The following MCPH1 variants were observed in gnomAD, a reference collection of about 807,000 sequenced individuals.
The protein encoded by MCPH1 is microcephalin.
MCPH1 carries 104 observed loss-of-function variants against 84.5 expected under a neutral mutation model. That is an observed-to-expected ratio of 1.23 (90% CI 1.05 to 1.45). MCPH1 has a LOEUF of 1.45. Ranked by LOEUF, MCPH1 falls within the 40% of genes most tolerant of loss-of-function variation. The pLI is 0.00. For missense variants in MCPH1, 1,498 were observed against 1,005.7 expected (o/e 1.49, Z -6.62); for synonymous variants, 514 against 366.8 (o/e 1.40, Z -4.58).
chr8:6,628,087 C>T (rs1796877451), intron 13 of MCPH1, among the ~76,000 whole-genome samples: 1 of 152,094 alleles, frequency 6.6e-6, no homozygotes, highest in South Asian at 2.1e-4. Context: ...ATCTTTGAAA[C>T]TTCCTAACCT....
intron 12 of MCPH1, among the ~76,000 whole-genome samples, chr8:6,558,123 G>A (rs534903500): frequency 5.3e-5 from 8 of 152,150 alleles, no homozygotes; most frequent in Non-Finnish European, 1.0e-4. Context: ...TGTCATTTTT[G>A]GGCCAGGAAA....
rs745494202 is a variant in MCPH1 at position 6,527,602 on chromosome 8, C to G, written c.2214+27673C>G. The G allele has an allele frequency of 5.6e-6, 9 of 1,613,866 alleles. No individual in the cohort carries two copies. The East Asian group carries it at 1.6e-4, about 28-fold the overall frequency. ...TTATTTCACTGGTCTGGTCCAAAATCTGTTTTTCCAATTTGTTTGTCGAGA... is the reference window on the plus strand; with the variant it reads ...TTATTTCACTGGTCTGGTCCAAAATGTGTTTTTCCAATTTGTTTGTCGAGA... On this transcript the variant is annotated intron_variant, in intron 12 of 13. Coordinates refer to ENST00000344683, the MANE Select transcript of MCPH1 (RefSeq NM_024596.5).
chr8:6,595,475 A>G (rs1828847886), intron 12 of MCPH1, among the ~76,000 whole-genome samples: 1 of 152,224 alleles, frequency 6.6e-6, no homozygotes, highest in African/African-American at 2.4e-5. Flanking sequence ...GGAGCTGGCC[A>G]GCTGCATGCA....
intron 12 of MCPH1, among the ~76,000 whole-genome samples, chr8:6,619,881 G>T (rs900094368): frequency 2.6e-5 from 4 of 152,216 alleles, no homozygotes; most frequent in Admixed American, 1.3e-4. Flanking sequence ...ACCGTGCCCG[G>T]CCAGATACTT....
intron 12 of MCPH1, among the ~76,000 whole-genome samples, chr8:6,571,547 G>T (rs886184653): frequency 6.6e-6 from 1 of 152,106 alleles, no homozygotes; most frequent in South Asian, 2.1e-4. Context: ...CTTAATGCCA[G>T]CTAGATTAAT....
intron 11 of MCPH1, among the ~76,000 whole-genome samples, chr8:6,489,144 C>G (rs1810280886): frequency 6.6e-6 from 1 of 152,022 alleles, no homozygotes; most frequent in Non-Finnish European, 1.5e-5. Flanking sequence ...ACTGGACATT[C>G]AAATAGAGAT....
chr8:6,600,067 G>A (rs972220990), intron 12 of MCPH1, among the ~76,000 whole-genome samples: 2 of 152,218 alleles, frequency 1.3e-5, no homozygotes, highest in African/African-American at 4.8e-5. Flanking sequence ...TTAATAGTTC[G>A]CTTCATGCTA....
chr8:6,503,431 A>T (rs762902387), intron 12 of MCPH1, among the ~76,000 whole-genome samples: 14 of 152,326 alleles, frequency 9.2e-5, no homozygotes, highest in Non-Finnish European at 1.6e-4. Flanking sequence ...TTTTCCAGCC[A>T]TACACCCATG....
intron 2 of MCPH1, among the ~76,000 whole-genome samples, chr8:6,414,157 C>T (rs1035843811): frequency 2.6e-5 from 4 of 152,150 alleles, no homozygotes; most frequent in African/African-American, 9.7e-5. Flanking sequence ...AGGCGTCCGC[C>T]ACCTTGCACC....
chr8:6,443,757 G>C (rs772233588), intron 7 of MCPH1, among the ~76,000 whole-genome samples: 48 of 152,206 alleles, frequency 3.2e-4, no homozygotes, highest in Admixed American at 2.0e-3. Context: ...GGTTTGGAAG[G>C]ATGAATTGTA....
At chr8:6,504,545 T>C (rs966390700) in intron 12 of MCPH1, among the ~76,000 whole-genome samples, 3 of 152,148 alleles carry the variant, frequency 2.0e-5, no homozygotes, top group Non-Finnish European at 4.4e-5. Flanking sequence ...TAACGCTTAT[T>C]TGACTTAATA....
chr8:6,579,147 T>A (rs1157122275), intron 12 of MCPH1, among the ~76,000 whole-genome samples: 2 of 152,236 alleles, frequency 1.3e-5, no homozygotes, highest in Non-Finnish European at 2.9e-5. Flanking sequence ...ACCTAACACC[T>A]GACACCTCCA....
chr8:6,539,818 A>G (rs1345568505), intron 12 of MCPH1, among the ~76,000 whole-genome samples: 3 of 152,198 alleles, frequency 2.0e-5, no homozygotes, highest in African/African-American at 4.8e-5. Context: ...AACTCCTGAC[A>G]TCAGGCCATC....
At chr8:6,498,377 G>A (rs138650100) in intron 11 of MCPH1, among the ~76,000 whole-genome samples, 3 of 152,270 alleles carry the variant, frequency 2.0e-5, no homozygotes, top group African/African-American at 7.2e-5. Flanking sequence ...TGTTTACACT[G>A]TATTTCTGAT....
intron 2 of MCPH1, among the ~76,000 whole-genome samples, chr8:6,409,859 CAG>C (rs1341070749): frequency 1.3e-5 from 2 of 151,940 alleles, no homozygotes; most frequent in Admixed American, 1.3e-4. Flanking sequence ...AGAGTGGTGA[CAG>C]AGGAGCGTTG....
intron 12 of MCPH1, among the ~76,000 whole-genome samples, chr8:6,517,838 G>A (rs2129568536): frequency 6.6e-6 from 1 of 152,284 alleles, no homozygotes; most frequent in East Asian, 1.9e-4. Context: ...ATCAGATTGT[G>A]ACTTACAGAG....
intron 11 of MCPH1, among the ~76,000 whole-genome samples, chr8:6,491,333 A>G (rs1193599729): frequency 6.7e-6 from 1 of 150,016 alleles, no homozygotes; most frequent in African/African-American, 2.4e-5. Flanking sequence ...GAATACACCT[A>G]CCACTTACTT....
intron 11 of MCPH1, among the ~76,000 whole-genome samples, chr8:6,488,892 T>A (rs1014287431): frequency 2.0e-5 from 3 of 150,230 alleles, no homozygotes; most frequent in African/African-American, 7.4e-5. Context: ...AGAGGGGGGG[T>A]TGATAGGTGG....
intron 13 of MCPH1, among the ~76,000 whole-genome samples, chr8:6,638,782 CA>C (rs984418593): frequency 2.0e-5 from 3 of 151,944 alleles, no homozygotes; most frequent in Non-Finnish European, 4.4e-5. Context: ...GTTCAGATGC[CA>C]AATAAACTTG....
Sources: allele counts gnomAD v4.1 joint callset (sites outside exome capture counted in the v4.1 genomes callset), GRCh38; gene constraint gnomAD v4.1.1; transcripts MANE v1.5; gene names NCBI Gene and HGNC (gene_info 2026-07-23, HGNC 2026-07-21).